Variants in CLEC16A observed in about 807,000 individuals in gnomAD.
The protein encoded by CLEC16A is C-type lectin domain containing 16A.
In CLEC16A, 51 loss-of-function variants were observed where a neutral mutation model predicts 109.5. The observed-to-expected ratio is 0.47, with a 90% CI of 0.37 to 0.59. The LOEUF (loss-of-function observed/expected upper bound fraction) is 0.59. Among genes scored for constraint, CLEC16A ranks in the 20% least tolerant of loss-of-function variants. CLEC16A has a pLI of 0.00. For synonymous variants in CLEC16A, 673 were observed against 564.2 expected (o/e 1.19, Z -2.73); for missense variants, 1,339 against 1,394.0 (o/e 0.96, Z 0.63).
intron 11 of CLEC16A, among the ~76,000 whole-genome samples, chr16:11,013,215 C>T (rs2045545546): frequency 6.6e-6 from 1 of 152,186 alleles, no homozygotes; most frequent in Non-Finnish European, 1.5e-5. Flanking sequence ...TATAATGCAA[C>T]AATGTTGAAT....
intron 11 of CLEC16A, among the ~76,000 whole-genome samples, chr16:11,004,448 T>G (rs2044866668): frequency 6.6e-6 from 1 of 152,170 alleles, no homozygotes; most frequent in African/African-American, 2.4e-5. Context: ...GGTTGCAGTC[T>G]CTGTGGGTGT....
chr16:11,068,573 CT>C (rs940797137), intron 19 of CLEC16A, among the ~76,000 whole-genome samples: 2 of 152,188 alleles, frequency 1.3e-5, no homozygotes, highest in Non-Finnish European at 2.9e-5. Flanking sequence ...AAGATGTGAG[CT>C]TTCCCACAAA....
intron 10 of CLEC16A, among the ~76,000 whole-genome samples, chr16:10,996,587 C>T (rs1294589162): frequency 1.3e-5 from 2 of 152,206 alleles, no homozygotes; most frequent in African/African-American, 4.8e-5. Flanking sequence ...TCAAGCCGTC[C>T]TAAGCTCCCC....
At chr16:11,132,071 A>T (rs1386351280) in intron 22 of CLEC16A, among the ~76,000 whole-genome samples, 2 of 152,174 alleles carry the variant, frequency 1.3e-5, no homozygotes, top group African/African-American at 4.8e-5. Flanking sequence ...TTTTTAATTG[A>T]GGTGAAATTT....
In CLEC16A at chr16:11,178,741, C is replaced by A. The variant is rs964646112; in HGVS notation, c.*51C>A. On this transcript the variant is annotated 3_prime_UTR_variant, in exon 24 of 24. Coordinates refer to ENST00000409790, the MANE Select transcript of CLEC16A (RefSeq NM_015226.3). This position sits in a 1 kb window ranked among gnomAD's most constrained non-coding sequence, Gnocchi z 6.5. ...TGTGTGGCCCCGCTGGTAGGGACCC[C>A]AGTGCCGCTGACTGGCAAGACACAC... The A allele has an allele frequency of 2.2e-6, 3 of 1,364,454 alleles. No individual in the cohort carries two copies. Among genetic ancestry groups the A allele is most frequent in the Non-Finnish European group, 2.9e-6 (3 of 1,033,738 alleles). The allele number at this position is 1,364,454 out of a possible 1,614,324, so 84.5% of individuals were successfully genotyped here. A position where few individuals can be genotyped will look rare whatever the true frequency, so the allele number is the denominator to read the frequency against.
At chr16:11,013,811 C>T (rs956482314) in intron 11 of CLEC16A, among the ~76,000 whole-genome samples, 12 of 151,812 alleles carry the variant, frequency 7.9e-5, no homozygotes, top group Non-Finnish European at 1.3e-4. Context: ...TGGTGGCGTA[C>T]ACCTGTAATC....
At chr16:11,105,434 C>G (rs2051158864) in intron 19 of CLEC16A, among the ~76,000 whole-genome samples, 1 of 152,202 alleles carries the variant, frequency 6.6e-6, no homozygotes. Context: ...ATGTTCTGGA[C>G]ACATGGGAAC....
chr16:11,129,034 G>A (rs535288225), intron 22 of CLEC16A, among the ~76,000 whole-genome samples: 13 of 152,176 alleles, frequency 8.5e-5, no homozygotes, highest in African/African-American at 1.9e-4. Context: ...TGTGAGATCC[G>A]GCCCCAACTG....
At chr16:11,057,266 C>T (rs1181368188) in intron 18 of CLEC16A, among the ~76,000 whole-genome samples, 5 of 152,230 alleles carry the variant, frequency 3.3e-5, no homozygotes, top group South Asian at 2.1e-4. Context: ...GAGTGACTGT[C>T]GCCTAAACTA....
intron 12 of CLEC16A, 22 bp downstream of exon 12, chr16:11,020,347 G>A: frequency 6.3e-7 from 1 of 1,590,326 alleles, no homozygotes; most frequent in Non-Finnish European, 8.6e-7. Context: ...AGAGGTCGAT[G>A]CTGAGTGCTC....
chr16:11,154,179 C>T (rs1180911616), intron 22 of CLEC16A, among the ~76,000 whole-genome samples: 2 of 152,194 alleles, frequency 1.3e-5, no homozygotes, highest in African/African-American at 4.8e-5. Flanking sequence ...CTGTTCCCTC[C>T]GTCCCCATCC....
intron 15 of CLEC16A, among the ~76,000 whole-genome samples, chr16:11,042,762 CTTATT>C (rs1357695390): frequency 6.6e-6 from 1 of 151,774 alleles, no homozygotes; most frequent in African/African-American, 2.4e-5. Context: ...TATGGTACCT[CTTATT>C]TTCTATGTTT....
At position 11,087,126 on chromosome 16, in the gene CLEC16A, A is replaced by G. The variant is rs531916762; in HGVS notation, c.2116+26104A>G. Among the ~76,000 whole-genome samples the G allele has an allele frequency of 2.6e-5, 4 of 152,382 alleles. No individual in the cohort carries two copies. In the South Asian group the frequency reaches 8.3e-4, roughly 32 times the overall value. On this transcript the variant is annotated intron_variant, in intron 19 of 23. Coordinates refer to ENST00000409790, the MANE Select transcript of CLEC16A (RefSeq NM_015226.3). ...AACTAAATATGTATTTTCTCACAAC[A>G]TCTGAAGCTAAATAGAGGTTGAGAT...
At chr16:10,956,993 C>T (rs745389852) in intron 1 of CLEC16A, among the ~76,000 whole-genome samples, 8 of 152,136 alleles carry the variant, frequency 5.3e-5, no homozygotes, top group African/African-American at 9.7e-5. Flanking sequence ...GACAGGGTTT[C>T]GCCATGTTGA....
At chr16:10,960,996 C>T (rs977679800) in intron 2 of CLEC16A, among the ~76,000 whole-genome samples, 3 of 152,180 alleles carry the variant, frequency 2.0e-5, no homozygotes, top group African/African-American at 7.2e-5. Flanking sequence ...GAATTGCCCA[C>T]TCCCCTATGG....
At chr16:11,126,272 G>C in intron 22 of CLEC16A, 126 bp downstream of exon 22, 1 of 1,552,516 alleles carries the variant, frequency 6.4e-7, no homozygotes, top group East Asian at 2.4e-5. Flanking sequence ...GGCAGCACCA[G>C]CTTCTTAGAA....
At chr16:11,082,302 GGGCC>G (rs2049770312) in intron 19 of CLEC16A, among the ~76,000 whole-genome samples, 3 of 152,202 alleles carry the variant, frequency 2.0e-5, no homozygotes, top group African/African-American at 7.2e-5. Flanking sequence ...CACCCCTGCA[GGGCC>G]AGGGCCCTAG....
chr16:11,090,081 T>A (rs2050219830), intron 19 of CLEC16A, among the ~76,000 whole-genome samples: 1 of 152,114 alleles, frequency 6.6e-6, no homozygotes, highest in African/African-American at 2.4e-5. Context: ...GAAATACGCT[T>A]GCTTATTTAG....
intron 13 of CLEC16A, among the ~76,000 whole-genome samples, chr16:11,035,375 AAATT>A (rs2046962782): frequency 1.3e-5 from 2 of 152,206 alleles, no homozygotes; most frequent in African/African-American, 4.8e-5. Flanking sequence ...ACTTTTTAAA[AAATT>A]AATTCAGCAA....
Sources: allele counts gnomAD v4.1 joint callset (sites outside exome capture counted in the v4.1 genomes callset), GRCh38; gene constraint gnomAD v4.1.1; non-coding constraint Gnocchi (gnomAD v3.1); transcripts MANE v1.5; gene names NCBI Gene and HGNC (gene_info 2026-07-23, HGNC 2026-07-21).